LSP1: variants seen among roughly 807,000 people sequenced by gnomAD.
The protein encoded by LSP1 is lymphocyte-specific protein 1.
A neutral mutation model predicts 49.3 loss-of-function variants in LSP1; 32 were observed. The observed-to-expected ratio is 0.65, with a 90% CI of 0.49 to 0.87. The LOEUF (loss-of-function observed/expected upper bound fraction) is 0.87. Among genes scored for constraint, LSP1 ranks in the 40% least tolerant of loss-of-function variants. LSP1 has a pLI of 0.00. For synonymous variants in LSP1, 179 were observed against 178.8 expected, an observed-to-expected ratio of 1.00 and a Z score of -0.01; for missense variants, 428 against 442.6, an observed-to-expected ratio of 0.97 and a Z score of 0.30.
chr11:1,859,638 A>G (rs1480463587), intron 1 of LSP1: 2 of 153,568 alleles, frequency 1.3e-5, no homozygotes, highest in Non-Finnish European at 2.9e-5. Flanking sequence ...AGTCCCAACC[A>G]AAATCTGAGC....
intron 1 of LSP1, among the ~76,000 whole-genome samples, chr11:1,860,305 ATGGG>A (rs1192506360): frequency 2.6e-5 from 4 of 151,794 alleles, no homozygotes; most frequent in Non-Finnish European, 4.4e-5. Context: ...TGATGGATGG[ATGGG>A]TGGATGGATG....
chr11:1,859,522 C>T (rs1273631777), intron 1 of LSP1: 9 of 154,664 alleles, frequency 5.8e-5, no homozygotes, highest in Non-Finnish European at 1.2e-4. Context: ...CTCCTCCTGT[C>T]CCAGGTACCT....
At chr11:1,889,999 G>A (rs1298891943) in intron 10 of LSP1, 1 of 659,594 alleles carries the variant, frequency 1.5e-6, no homozygotes, top group South Asian at 1.7e-5. Flanking sequence ...GTCCTGGGAG[G>A]CTCAGGGGTC....
chr11:1,886,605 G>A, intron 7 of LSP1, 127 bp from the exon 8 acceptor site: 3 of 1,064,446 alleles, frequency 2.8e-6, no homozygotes, highest in South Asian at 1.6e-5. Flanking sequence ...CCCACTCTGG[G>A]GCTGCATTGG....
intron 1 of LSP1, among the ~76,000 whole-genome samples, chr11:1,868,318 G>C (rs532176534): frequency 2.6e-5 from 4 of 152,184 alleles, no homozygotes; most frequent in African/African-American, 4.8e-5. Flanking sequence ...TGAGGTCCCC[G>C]GAGCCCCGTG....
chr11:1,860,280 GGATGGATAATTGAAT>G (rs201243319), intron 1 of LSP1, among the ~76,000 whole-genome samples: 6 of 144,806 alleles, frequency 4.1e-5, no homozygotes, highest in African/African-American at 1.7e-4. Flanking sequence ...AATGATGGAT[GGATGGATAATTGAAT>G]GATGGATGGA....
intron 1 of LSP1, among the ~76,000 whole-genome samples, chr11:1,872,148 ACCC>A (rs1848050008): frequency 7.8e-6 from 1 of 127,754 alleles, no homozygotes; most frequent in African/African-American, 3.1e-5. Context: ...GGCTGCAGTC[ACCC>A]TGGTGCATGC....
chr11:1,887,568 C>A lies in LSP1; in HGVS notation c.*5C>A, dbSNP rs1848810763. 2 of 1,613,444 alleles carry A rather than the reference C, an allele frequency of 1.2e-6. No homozygotes were observed. The highest frequency in any genetic ancestry group is 1.7e-6 in the Non-Finnish European group (2 of 1,179,670). On this transcript the variant is annotated 3_prime_UTR_variant, in exon 10 of 11. Transcript: ENST00000311604. ...GAAGGGGGCCCGGCTCCCTAGGCGT[C>A]CCATCTCGGTGAGTCCCTGGCAACT...
chr11:1,876,564 G>A lies in LSP1; in HGVS notation c.54-3523G>A, dbSNP rs368500997. On this transcript the variant is annotated intron_variant, in intron 1 of 10. Coordinates refer to ENST00000311604, the MANE Select transcript of LSP1 (RefSeq NM_002339.3). ...AGGACAGCCGGGTGGGGCAGCCACA[G>A]GAGCTGCCTGCAGGGGGCAGAGTCG... 25 of 985,624 alleles carry A rather than the reference G, an allele frequency of 2.5e-5. No homozygotes were observed. In the East Asian group the frequency reaches 1.2e-3, roughly 49 times the overall value. 61.1% of individuals were successfully genotyped at this position (985,624 alleles called of 1,614,324 possible).
At position 1,884,959 on chromosome 11, in the gene LSP1, A is replaced by G. The variant is rs1012201694; in HGVS notation, c.717+378A>G. ...CCTCGGAACAGTACTCCACCACCCA[A>G]TCAATGCTCTTTCATCCTATCAATG... On this transcript the variant is annotated intron_variant, in intron 7 of 10. Coordinates refer to ENST00000311604, the MANE Select transcript of LSP1 (RefSeq NM_002339.3). The surrounding 1 kb of genome is among the most constrained non-coding windows in gnomAD (Gnocchi z 4.1). 1.3e-5 allele frequency among the ~76,000 whole-genome samples: 2 copies of G among 151,632 alleles called. No homozygotes were observed. Among genetic ancestry groups the G allele is most frequent in the African/African-American group, 4.9e-5 (2 of 41,222 alleles).
chr11:1,889,676 G>A (rs769336431), intron 10 of LSP1: 6 of 633,706 alleles, frequency 9.5e-6, no homozygotes, highest in East Asian at 2.8e-5. Flanking sequence ...CGGCCTCAGC[G>A]GCGGGGCCAG....
chr11:1,876,950 C>G (rs1848335504), intron 1 of LSP1, among the ~76,000 whole-genome samples: 2 of 152,130 alleles, frequency 1.3e-5, no homozygotes, highest in African/African-American at 2.4e-5. Context: ...TGGATGGAGC[C>G]CCCCCACCGC....
At chr11:1,869,169 G>A in intron 1 of LSP1, 1 of 263,044 alleles carries the variant, frequency 3.8e-6, no homozygotes, top group Non-Finnish European at 6.2e-6. Flanking sequence ...GGAGGCTTGA[G>A]GGTCGGCTGC....
intron 1 of LSP1, chr11:1,870,524 T>G: frequency 1.7e-6 from 2 of 1,174,244 alleles, no homozygotes; most frequent in South Asian, 1.7e-5. Flanking sequence ...GCAGACATGG[T>G]GTGGGGGTGT....
chr11:1,882,387 C>T (rs1848581318), intron 3 of LSP1, among the ~76,000 whole-genome samples: 1 of 152,164 alleles, frequency 6.6e-6, no homozygotes, highest in Non-Finnish European at 1.5e-5. Flanking sequence ...CCTAAACCAG[C>T]CTGGAGCTCT....
chr11:1,889,413 C>T (rs903784464), intron 10 of LSP1: 29 of 680,482 alleles, frequency 4.3e-5, no homozygotes, highest in East Asian at 1.1e-4. Flanking sequence ...GGCGGGGGCC[C>T]GGGGTGCGGT....
chr11:1,867,061 G>A lies in LSP1; in HGVS notation c.54-13026G>A, dbSNP rs562505391. The A allele has an allele frequency of 2.6e-5, 21 of 796,290 alleles. 1 individual carries two copies. Among genetic ancestry groups the A allele is most frequent in the South Asian group, 1.1e-4 (6 of 53,432 alleles). The allele number at this position is 796,290 out of a possible 1,614,324, so 49.3% of individuals were successfully genotyped here. On this transcript the variant is annotated intron_variant, in intron 1 of 10. Coordinates refer to ENST00000311604, the MANE Select transcript of LSP1 (RefSeq NM_002339.3). ...CCTGGGGAGGAGGCACTGAAGCCGC[G>A]TGGGCTCAGGCTCGGGGCCAGTCCC...
At chr11:1,862,661 G>T (rs569665492) in intron 1 of LSP1, among the ~76,000 whole-genome samples, 6 of 151,932 alleles carry the variant, frequency 3.9e-5, no homozygotes, top group Non-Finnish European at 8.8e-5. Context: ...CCCTACCCCT[G>T]GTAATCTCAC....
chr11:1,884,413 G>A lies in LSP1; in HGVS notation c.636-87G>A. ...GGGAGTCACAAGGTAGAGATCTGGA[G>A]ACCGAGGGGGGCTCTGGGAGAGGCT... On this transcript the variant is annotated intron_variant, in intron 6 of 10. Transcript: ENST00000311604. The surrounding 1 kb of genome is among the most constrained non-coding windows in gnomAD (Gnocchi z 4.1). 1 of 1,607,328 alleles carries A rather than the reference G, an allele frequency of 6.2e-7. No homozygotes were observed. The highest frequency in any genetic ancestry group is 8.5e-7 in the Non-Finnish European group (1 of 1,173,982).
Sources: allele counts gnomAD v4.1 joint callset (sites outside exome capture counted in the v4.1 genomes callset), GRCh38; gene constraint gnomAD v4.1.1; non-coding constraint Gnocchi (gnomAD v3.1); transcripts MANE v1.5; gene names NCBI Gene and HGNC (gene_info 2026-07-23, HGNC 2026-07-21).